Variants in MED13L observed in about 807,000 individuals in gnomAD.
MED13L encodes the protein mediator complex subunit 13L, also known as mediator of RNA polymerase II transcription subunit 13-like.
A neutral mutation model predicts 220.9 loss-of-function variants in MED13L; 7 were observed. That is an observed-to-expected ratio of 0.03 (90% CI 0.02 to 0.06). The LOEUF (loss-of-function observed/expected upper bound fraction) is 0.06, where lower values mean the gene tolerates loss of function less well. Among genes scored for constraint, MED13L ranks in the 10% least tolerant of loss-of-function variants. The pLI is 1.00. For missense variants in MED13L, 1,965 were observed against 2,760.5 expected, an observed-to-expected ratio of 0.71 and a Z score of 6.46; for synonymous variants, 1,011 against 1,015.2, an observed-to-expected ratio of 1.00 and a Z score of 0.08.
chr12:116,060,135 C>A (rs934811664), intron 4 of MED13L, among the ~76,000 whole-genome samples: 2 of 152,160 alleles, frequency 1.3e-5, no homozygotes, highest in Non-Finnish European at 2.9e-5. Context: ...GGAGGGATCA[C>A]AAAACACTGC....
intron 1 of MED13L, among the ~76,000 whole-genome samples, chr12:116,249,905 A>T (rs1043117173): frequency 3.3e-5 from 5 of 151,452 alleles, no homozygotes; most frequent in African/African-American, 9.7e-5. Flanking sequence ...AACGTCTCAG[A>T]ATGTAGGAGA....
chr12:115,982,991 TGAG>T, intron 21 of MED13L, 123 bp downstream of exon 21: 1 of 1,054,996 alleles, frequency 9.5e-7, no homozygotes, highest in South Asian at 1.5e-5. Context: ...CCCTTTCTTT[TGAG>T]AAGAGAAATA....
chr12:116,074,820 C>A (rs1247466131), intron 4 of MED13L, among the ~76,000 whole-genome samples: 1 of 152,228 alleles, frequency 6.6e-6, no homozygotes, highest in African/African-American at 2.4e-5. Flanking sequence ...AGAACAGCAT[C>A]CAGCTTAGCC....
chr12:116,171,857 CA>C (rs1319920098), intron 2 of MED13L, among the ~76,000 whole-genome samples: 5 of 152,166 alleles, frequency 3.3e-5, no homozygotes, highest in Non-Finnish European at 5.9e-5. Context: ...TGCAGGACTT[CA>C]CATGTATTCG....
At chr12:116,272,291 A>T (rs995389941) in intron 1 of MED13L, among the ~76,000 whole-genome samples, 1 of 152,112 alleles carries the variant, frequency 6.6e-6, no homozygotes, top group South Asian at 2.1e-4. Flanking sequence ...GGCCGGGCGC[A>T]GTGGCTCATG....
intron 2 of MED13L, among the ~76,000 whole-genome samples, chr12:116,120,032 T>C (rs1434310925): frequency 6.6e-6 from 1 of 151,834 alleles, no homozygotes; most frequent in Non-Finnish European, 1.5e-5. Flanking sequence ...TTTATTTTCA[T>C]AGCTGCTGTG....
intron 19 of MED13L, among the ~76,000 whole-genome samples, chr12:115,985,460 A>T (rs1318425795): frequency 1.3e-5 from 2 of 152,200 alleles, no homozygotes. Flanking sequence ...ATATTTTGCA[A>T]TTCAGCTTGG....
chr12:116,001,550 C>A (rs1878742641), intron 14 of MED13L, among the ~76,000 whole-genome samples: 1 of 152,182 alleles, frequency 6.6e-6, no homozygotes, highest in Admixed American at 6.5e-5. Context: ...ATTAAAATAT[C>A]TTGCCAGGCT....
At chr12:115,989,384 T>A in intron 17 of MED13L, among the ~76,000 whole-genome samples, 1 of 152,172 alleles carries the variant, frequency 6.6e-6, no homozygotes, top group African/African-American at 2.4e-5. Flanking sequence ...AAGCCCCCTC[T>A]ATGGTTCTTC....
At chr12:116,237,856 A>G in intron 1 of MED13L, 151 bp from the exon 2 acceptor site, 2 of 733,620 alleles carry the variant, frequency 2.7e-6, no homozygotes. Flanking sequence ...ATGTATGTCA[A>G]TCTTCTCGAA....
In MED13L at chr12:115,959,015, AT is replaced by A. The variant is rs1875593461; in HGVS notation, c.*2250del. ...TTTCCAAAATTAAAAATAAAAAAAA[AT>A]AAAATAACTTCTCACTCTGTAGCAA... On this transcript the variant is annotated 3_prime_UTR_variant, in exon 31 of 31. Transcript: ENST00000281928. 6.6e-6 allele frequency: 1 copy of A among 152,608 alleles called. No individual in the cohort carries two copies. Among genetic ancestry groups the A allele is most frequent in the South Asian group, 2.1e-4 (1 of 4,836 alleles). 9.5% of individuals were successfully genotyped at this position (152,608 alleles called of 1,614,324 possible). A position where few individuals can be genotyped will look rare whatever the true frequency, so the allele number is the denominator to read the frequency against.
At chr12:116,151,767 T>C (rs1565902096) in intron 2 of MED13L, among the ~76,000 whole-genome samples, 1 of 152,150 alleles carries the variant, frequency 6.6e-6, no homozygotes, top group Non-Finnish European at 1.5e-5. Flanking sequence ...AGTCACCAAG[T>C]GAAAGAACAA....
intron 19 of MED13L, 125 bp downstream of exon 19, chr12:115,986,141 A>C: frequency 1.0e-6 from 1 of 971,980 alleles, no homozygotes; most frequent in Non-Finnish European, 1.6e-6. Context: ...TCTCTTCTTC[A>C]TCCACCTGTT....
chr12:116,008,110 A>G (rs914691675), intron 10 of MED13L: 1 of 427,666 alleles, frequency 2.3e-6, no homozygotes, highest in African/African-American at 2.0e-5. Flanking sequence ...GGAAAGTCTT[A>G]TAAAGCTATA....
intron 4 of MED13L, among the ~76,000 whole-genome samples, chr12:116,030,969 A>G (rs1880701670): frequency 6.6e-6 from 1 of 152,212 alleles, no homozygotes; most frequent in South Asian, 2.1e-4. Flanking sequence ...AACATCAGCA[A>G]ATCTATGAAA....
chr12:116,162,611 G>T (rs1014718570), intron 2 of MED13L, among the ~76,000 whole-genome samples: 1 of 152,096 alleles, frequency 6.6e-6, no homozygotes, highest in Non-Finnish European at 1.5e-5. Flanking sequence ...ACTTAACCTA[G>T]AAATTATTTA....
intron 2 of MED13L, among the ~76,000 whole-genome samples, chr12:116,113,415 T>C (rs114379533): frequency 0.043 from 6,532 of 151,228 alleles, 488 homozygotes; most frequent in African/African-American, 0.15. Flanking sequence ...GGCAGAAGGA[T>C]TGCTTGAGCC....
At chr12:116,142,505 T>C (rs960291708) in intron 2 of MED13L, among the ~76,000 whole-genome samples, 2 of 151,946 alleles carry the variant, frequency 1.3e-5, no homozygotes, top group African/African-American at 2.4e-5. Context: ...CTGGCCAACA[T>C]AGTGAAACCC....
At chr12:116,003,137 G>C (rs753549893) in intron 13 of MED13L, 35 bp from the exon 14 acceptor site, 1 of 1,552,896 alleles carries the variant, frequency 6.4e-7, no homozygotes, top group African/African-American at 1.4e-5. Context: ...ACAGAGTGAC[G>C]TGTATATAAG....
Sources: allele counts gnomAD v4.1 joint callset (sites outside exome capture counted in the v4.1 genomes callset), GRCh38; gene constraint gnomAD v4.1.1; transcripts MANE v1.5; gene names NCBI Gene and HGNC (gene_info 2026-07-23, HGNC 2026-07-21).